UVRAG: variants seen among roughly 807,000 people sequenced by gnomAD.
UVRAG encodes the protein UV radiation resistance-associated gene protein.
A neutral mutation model predicts 78.0 loss-of-function variants in UVRAG; 19 were observed. That is an observed-to-expected ratio of 0.24 (90% CI 0.17 to 0.36). The LOEUF is 0.36. UVRAG is among the 10% of genes least tolerant of loss of function. UVRAG has a pLI of 1.00. For synonymous variants in UVRAG, 323 were observed against 324.6 expected (o/e 1.00, Z 0.05); for missense variants, 740 against 853.8 (o/e 0.87, Z 1.66).
At chr11:75,861,109 C>A (rs1463031823) in intron 2 of UVRAG, among the ~76,000 whole-genome samples, 1 of 152,076 alleles carries the variant, frequency 6.6e-6, no homozygotes, top group Non-Finnish European at 1.5e-5. Context: ...TGACCTTTTC[C>A]AACATACATG....
chr11:75,998,773 A>G (rs865788313), intron 8 of UVRAG, among the ~76,000 whole-genome samples: 2 of 152,236 alleles, frequency 1.3e-5, no homozygotes, highest in African/African-American at 4.8e-5. Flanking sequence ...TACGGCAGAT[A>G]TAAGGCAGTT....
chr11:76,054,237 C>G lies in UVRAG; in HGVS notation c.1227-11473C>G, dbSNP rs7131227. Among the ~76,000 whole-genome samples, 273 of 152,310 alleles carry G rather than the reference C, an allele frequency of 1.8e-3. 1 individual carries two copies. Among genetic ancestry groups the G allele is most frequent in the African/African-American group, 6.3e-3 (262 of 41,572 alleles). On this transcript the variant is annotated intron_variant, in intron 12 of 14. Coordinates refer to ENST00000356136, the MANE Select transcript of UVRAG (RefSeq NM_003369.4). ...GAAGTCATCCTTGACTCCTCTTCCT[C>G]TCACACCTCATAGAAGATCTGTCAC...
chr11:75,847,986 A>C (rs1036987925), intron 1 of UVRAG, among the ~76,000 whole-genome samples: 1 of 151,632 alleles, frequency 6.6e-6, no homozygotes, highest in East Asian at 1.9e-4. Context: ...AAAAAAAAGA[A>C]AAAAGGATTT....
Position 75,945,788 on chromosome 11 carries a change from C to CT in UVRAG, c.594-15648dup, listed in dbSNP as rs1200697806. On this transcript the variant is annotated intron_variant, in intron 6 of 14. Transcript: ENST00000356136. ...ACAGTTCCTGAAAATGTTAGGGTAC[C>CT]TTTTTTTTGTTTTTGTACTTGTTTT... is the stretch of plus-strand genomic sequence containing the variant. 5.3e-5 allele frequency among the ~76,000 whole-genome samples: 8 copies of CT among 151,888 alleles called. No individual in the cohort carries two copies. In the East Asian group the frequency reaches 1.2e-3, roughly 22 times the overall value.
chr11:76,121,726 T>A (rs1364240575), intron 14 of UVRAG, among the ~76,000 whole-genome samples: 1 of 152,224 alleles, frequency 6.6e-6, no homozygotes, highest in Non-Finnish European at 1.5e-5. Flanking sequence ...ATTTGTGACC[T>A]CCGTTCTTTA....
intron 9 of UVRAG, 128 bp from the exon 10 acceptor site, chr11:76,007,406 T>C (rs1949965744): frequency 1.5e-6 from 1 of 683,842 alleles, no homozygotes. Context: ...TTTATGCTTC[T>C]ACTTCTGAGT....
chr11:76,056,553 T>C (rs1950988441), intron 12 of UVRAG, among the ~76,000 whole-genome samples: 1 of 152,212 alleles, frequency 6.6e-6, no homozygotes, highest in Non-Finnish European at 1.5e-5. Flanking sequence ...TCCTTGCATT[T>C]TTTTCCTTGT....
At chr11:75,996,321 TAGA>T (rs1177499937) in intron 8 of UVRAG, among the ~76,000 whole-genome samples, 13 of 152,152 alleles carry the variant, frequency 8.5e-5, no homozygotes, top group African/African-American at 3.1e-4. Flanking sequence ...GTAAAGGAAG[TAGA>T]AGGAGCATTG....
Position 76,140,986 on chromosome 11 carries a change from C to G in UVRAG, c.1673C>G (p.Ser558Cys). Residue 558 changes from serine (S) to cysteine (C), a missense_variant, in exon 15 of 15, where the codon TCC (serine) becomes TGC (cysteine). By Grantham distance (112) the Ser-to-Cys change is moderately radical (BLOSUM62 -1). Coordinates refer to ENST00000356136, the MANE Select transcript of UVRAG (RefSeq NM_003369.4). Reference protein sequence around the residue: ...SSSLDTSLDFSKENKKKGEDL... With the variant: ...SSSLDTSLDFCKENKKKGEDL... ...TCCTTGGATACCTCCTTGGACTTCTCCAAAGAAAACAAGAAAAAAGGAGAG... is the reference window on the plus strand; with the variant it reads ...TCCTTGGATACCTCCTTGGACTTCTGCAAAGAAAACAAGAAAAAAGGAGAG... The G allele has an allele frequency of 1.2e-6, 2 of 1,614,064 alleles. No individual in the cohort carries two copies. Among genetic ancestry groups the G allele is most frequent in the Non-Finnish European group, 1.7e-6 (2 of 1,180,012 alleles).
chr11:76,047,200 A>G (rs1950774799), intron 12 of UVRAG, among the ~76,000 whole-genome samples: 1 of 152,154 alleles, frequency 6.6e-6, no homozygotes, highest in Non-Finnish European at 1.5e-5. Context: ...TTCTTTTGGG[A>G]CTAGGGGAAG....
At chr11:75,894,203 G>A (rs1022631639) in intron 5 of UVRAG, among the ~76,000 whole-genome samples, 9 of 152,156 alleles carry the variant, frequency 5.9e-5, no homozygotes, top group South Asian at 2.1e-4. Context: ...AGTCTGGACC[G>A]CTGCTTGTCT....
chr11:75,911,754 C>T, intron 5 of UVRAG, 200 bp from the exon 6 acceptor site: 1 of 427,678 alleles, frequency 2.3e-6, no homozygotes, highest in East Asian at 4.0e-5. Context: ...ATCCCCCTGC[C>T]AAAATTTATT....
At chr11:75,844,078 A>G (rs563333872) in intron 1 of UVRAG, among the ~76,000 whole-genome samples, 2 of 152,118 alleles carry the variant, frequency 1.3e-5, no homozygotes, top group African/African-American at 4.8e-5. Flanking sequence ...CCTGAGCTGA[A>G]TTGTGTGAAC....
In UVRAG at chr11:76,143,251, C is replaced by G. The variant is rs368600692; in HGVS notation, c.*1838C>G. 1 of 152,186 alleles carries G rather than the reference C, an allele frequency of 6.6e-6. No homozygotes were observed. Among genetic ancestry groups the G allele is most frequent in the African/African-American group, 2.4e-5 (1 of 41,418 alleles). 9.4% of individuals were successfully genotyped at this position (152,186 alleles called of 1,614,324 possible). ...TGGAAGGTCAACCCCGTGGGACTTA[C>G]GATTGCCCCAGGTGCGGGATGGACT... On this transcript the variant is annotated 3_prime_UTR_variant, in exon 15 of 15. Transcript: ENST00000356136.
intron 8 of UVRAG, among the ~76,000 whole-genome samples, chr11:75,995,429 A>T (rs1048229906): frequency 1.3e-5 from 2 of 151,914 alleles, no homozygotes; most frequent in Non-Finnish European, 2.9e-5. Flanking sequence ...TTCAGTGAAT[A>T]AAAAGTTGTT....
chr11:75,958,249 G>A (rs991888434), intron 6 of UVRAG, among the ~76,000 whole-genome samples: 2 of 152,042 alleles, frequency 1.3e-5, no homozygotes, highest in South Asian at 2.1e-4. Flanking sequence ...CTCTTCTTTC[G>A]TGAATGATTC....
At chr11:75,958,834 G>A (rs1160694768) in intron 6 of UVRAG, among the ~76,000 whole-genome samples, 1 of 152,202 alleles carries the variant, frequency 6.6e-6, no homozygotes, top group East Asian at 1.9e-4. Context: ...AAACTTGAAA[G>A]TTGAAATGCC....
intron 2 of UVRAG, among the ~76,000 whole-genome samples, chr11:75,853,803 C>G (rs928067866): frequency 1.3e-5 from 2 of 151,946 alleles, no homozygotes; most frequent in Non-Finnish European, 2.9e-5. Context: ...GGCAGAGTCT[C>G]GCTCCGTTGC....
At chr11:75,856,320 T>C (rs1946291049) in intron 2 of UVRAG, among the ~76,000 whole-genome samples, 1 of 152,194 alleles carries the variant, frequency 6.6e-6, no homozygotes, top group African/African-American at 2.4e-5. Flanking sequence ...TTGTTTTTCA[T>C]AGTTATTTTC....
Sources: allele counts gnomAD v4.1 joint callset (sites outside exome capture counted in the v4.1 genomes callset), GRCh38; gene constraint gnomAD v4.1.1; transcripts MANE v1.5; gene names NCBI Gene and HGNC (gene_info 2026-07-23, HGNC 2026-07-21).